DAGLB: variants seen among roughly 807,000 people sequenced by gnomAD.
DAGLB encodes the protein diacylglycerol lipase beta.
In DAGLB, 66 loss-of-function variants were observed where a neutral mutation model predicts 72.1. That is an observed-to-expected ratio of 0.92 (90% CI 0.75 to 1.12). The LOEUF (loss-of-function observed/expected upper bound fraction) is 1.12, where lower values mean the gene tolerates loss of function less well. Ranked by LOEUF, DAGLB falls within the 50% of genes most tolerant of loss-of-function variation. The pLI is 0.00. For synonymous variants in DAGLB, 414 were observed against 359.5 expected (o/e 1.15, Z -1.71); for missense variants, 1,065 against 884.9 (o/e 1.20, Z -2.58).
chr7:6,410,066 G>A (rs372922766), intron 14 of DAGLB, 31 bp from the exon 15 acceptor site: 43 of 1,600,590 alleles, frequency 2.7e-5, no homozygotes, highest in East Asian at 6.7e-5. Flanking sequence ...CAGCTCCCAC[G>A]CGGCCCCAGG....
rs565229357 is a variant in DAGLB at position 6,419,920 on chromosome 7, C to A, written c.1218+1807G>T. Among the ~76,000 whole-genome samples, 304 of 152,188 alleles carry A rather than the reference C, an allele frequency of 2.0e-3. 1 individual carries two copies. The highest frequency in any genetic ancestry group is 7.0e-3 in the African/African-American group (291 of 41,518). On this transcript the variant is annotated intron_variant, in intron 9 of 14. Coordinates refer to ENST00000297056, the MANE Select transcript of DAGLB (RefSeq NM_139179.4). ...ACTTTGGGAGACTGAGGCAAGAGGA[C>A]TGCTTGAGCCCAGGAGATTCAAGAC... is the stretch of plus-strand genomic sequence containing the variant.
intron 6 of DAGLB, among the ~76,000 whole-genome samples, chr7:6,428,315 C>CAAAAAAAA (rs749361631): frequency 1.3e-4 from 10 of 76,828 alleles, no homozygotes; most frequent in Non-Finnish European, 1.8e-4. Flanking sequence ...GACTCTGTCT[C>CAAAAAAAA]AAAAAAAAAA....
intron 1 of DAGLB, among the ~76,000 whole-genome samples, chr7:6,447,009 C>CA (rs1191810052): frequency 6.6e-6 from 1 of 151,726 alleles, no homozygotes; most frequent in Non-Finnish European, 1.5e-5. Context: ...GACCCTGTCT[C>CA]AAAAAAATAA....
At chr7:6,447,023 G>T (rs1413787660) in intron 1 of DAGLB, among the ~76,000 whole-genome samples, 1 of 152,082 alleles carries the variant, frequency 6.6e-6, no homozygotes, top group Non-Finnish European at 1.5e-5. Flanking sequence ...AAAATAAAAA[G>T]AAAAGGGGTC....
rs774151497 is a variant in DAGLB at position 6,413,018 on chromosome 7, A to G, written c.1444T>C (p.Tyr482His). ...RGLWSKALQEYSQSFIVSLVL... is the reference protein window; with the variant it reads ...RGLWSKALQEHSQSFIVSLVL... ...AGTGACACGATGAAGCTCTGAGAAT[A>G]TTCCTGCAGAGCTTTGCTGAAATTC... Residue 482 changes from tyrosine (Y) to histidine (H), a missense_variant, in exon 12 of 15, where the codon TAT becomes CAT. Coordinates refer to ENST00000297056, the MANE Select transcript of DAGLB (RefSeq NM_139179.4). The G allele has an allele frequency of 1.1e-5, 18 of 1,613,574 alleles. No individual in the cohort carries two copies. The East Asian group carries it at 3.8e-4, about 34-fold the overall frequency.
intron 2 of DAGLB, among the ~76,000 whole-genome samples, chr7:6,439,686 G>T (rs1784766086): frequency 6.6e-6 from 1 of 152,120 alleles, no homozygotes; most frequent in African/African-American, 2.4e-5. Context: ...TAGTCATAAG[G>T]GTGGACCATC....
intron 2 of DAGLB, among the ~76,000 whole-genome samples, chr7:6,442,324 A>G (rs905266069): frequency 1.3e-5 from 2 of 152,164 alleles, no homozygotes; most frequent in Non-Finnish European, 2.9e-5. Context: ...CCACAAGTAC[A>G]TGATGATGCA....
At chr7:6,419,894 C>T (rs1784050815) in intron 9 of DAGLB, among the ~76,000 whole-genome samples, 1 of 152,224 alleles carries the variant, frequency 6.6e-6, no homozygotes, top group Non-Finnish European at 1.5e-5. Flanking sequence ...GCAATCCCAG[C>T]ACTTTGGGAG....
At chr7:6,447,716 G>C (rs374959127) in intron 1 of DAGLB, 32 bp downstream of exon 1, 1 of 1,601,908 alleles carries the variant, frequency 6.2e-7, no homozygotes. Flanking sequence ...CTCTCCGGTG[G>C]GCTCCACCGC....
At chr7:6,428,675 CG>C (rs1784388643) in intron 6 of DAGLB, among the ~76,000 whole-genome samples, 1 of 151,958 alleles carries the variant, frequency 6.6e-6, no homozygotes, top group African/African-American at 2.4e-5. Context: ...TTAGTAGAGA[CG>C]GGGTGTCACC....
chr7:6,445,549 C>T (rs966251058), intron 2 of DAGLB, among the ~76,000 whole-genome samples: 1 of 152,116 alleles, frequency 6.6e-6, no homozygotes, highest in Non-Finnish European at 1.5e-5. Context: ...TCCACTCTGT[C>T]ACTCAGGCTG....
chr7:6,423,777 C>A (rs836522), intron 8 of DAGLB, among the ~76,000 whole-genome samples: 8,262 of 152,116 alleles, frequency 0.054, 530 homozygotes, highest in African/African-American at 0.15. Flanking sequence ...TTAGTAGAGA[C>A]GGGGTTTCAC....
At chr7:6,425,096 C>T (rs77092772) in intron 7 of DAGLB, among the ~76,000 whole-genome samples, 3,390 of 152,326 alleles carry the variant, frequency 0.022, 58 homozygotes, top group Middle Eastern at 0.054. Flanking sequence ...TCGGATTGAA[C>T]TGGCCCAGGG....
intron 2 of DAGLB, among the ~76,000 whole-genome samples, chr7:6,436,914 C>T (rs200759906): frequency 1.3e-5 from 2 of 152,012 alleles, no homozygotes; most frequent in East Asian, 1.9e-4. Flanking sequence ...TGGGAGGAGG[C>T]CAAGGCAGGT....
intron 11 of DAGLB, among the ~76,000 whole-genome samples, chr7:6,415,462 A>C (rs1783876641): frequency 6.6e-6 from 1 of 151,256 alleles, no homozygotes; most frequent in Non-Finnish European, 1.5e-5. Flanking sequence ...CATTTTAATG[A>C]AATAAAGTGG....
At position 6,439,260 on chromosome 7, in the gene DAGLB, G is replaced by GA. The variant is rs1383383267; in HGVS notation, c.248-2728dup. Reference sequence around the variant, plus strand: ...ACAGAGTGAGACTCTATCTCAAAAAGAAAAAAAAAGAAAAAAAAAAAAAGA... The same window carrying GA: ...ACAGAGTGAGACTCTATCTCAAAAAGAAAAAAAAAAGAAAAAAAAAAAAAGA... On this transcript the variant is annotated intron_variant, in intron 2 of 14. Coordinates refer to ENST00000297056, the MANE Select transcript of DAGLB (RefSeq NM_139179.4). Among the ~76,000 whole-genome samples the GA allele has an allele frequency of 7.2e-3, 669 of 93,008 alleles. 6 individuals are homozygous for GA. Among genetic ancestry groups the GA allele is most frequent in the African/African-American group, 0.025 (633 of 25,280 alleles). 61.0% of individuals were successfully genotyped at this position (93,008 alleles called of 152,430 possible). A position where few individuals can be genotyped will look rare whatever the true frequency, so the allele number is the denominator to read the frequency against.
At position 6,426,054 on chromosome 7, in the gene DAGLB, G is replaced by A. The variant is rs770199154; in HGVS notation, c.990C>T (p.Phe330=). Residue 330 remains phenylalanine, a synonymous_variant, in exon 7 of 15, where the codon TTC becomes TTT. Transcript: ENST00000297056. The stretch of plus-strand genomic sequence containing the variant: ...GCCCTGTGGTGTGCAGGATGGAGCC[G>A]AAGTGACAGTTGAGCTGATCGCCTC... ...LVGGDQLNCH[F]GSILHTTGLQ... 10 of 1,613,948 alleles carry A rather than the reference G, an allele frequency of 6.2e-6. No individual in the cohort carries two copies. The highest frequency in any genetic ancestry group is 1.7e-4 in the Middle Eastern group (1 of 6,014).
At chr7:6,419,811 G>T (rs964451765) in intron 9 of DAGLB, among the ~76,000 whole-genome samples, 1 of 152,168 alleles carries the variant, frequency 6.6e-6, no homozygotes, top group African/African-American at 2.4e-5. Flanking sequence ...ACACAGTAAT[G>T]GGCAAACTGG....
rs1231900818 is a variant in DAGLB, at chr7:6,422,006, G to C, written c.1141-202C>G. On this transcript the variant is annotated intron_variant, in intron 8 of 14. Transcript: ENST00000297056. ...GGGCCCTGATGGCACGACCAGCTCT[G>C]GGCCAGGCGTGAAGGGTGGAGGGGA... 5 of 677,288 alleles carry C rather than the reference G, an allele frequency of 7.4e-6. No homozygotes were observed. The South Asian group carries it at 7.5e-5, about 10-fold the overall frequency. 42.0% of individuals were successfully genotyped at this position (677,288 alleles called of 1,614,324 possible). A position where few individuals can be genotyped will look rare whatever the true frequency, so the allele number is the denominator to read the frequency against.
Sources: gnomAD v4.1 joint callset for allele counts (sites outside exome capture counted in the v4.1 genomes callset) on GRCh38, gnomAD v4.1.1 for gene constraint, MANE v1.5 for transcripts, NCBI Gene and HGNC (gene_info 2026-07-23, HGNC 2026-07-21) for gene names.